The following SLCO4C1 variants were observed in gnomAD, a reference collection of about 807,000 sequenced individuals.
SLCO4C1 encodes solute carrier organic anion transporter family member 4C1.
In SLCO4C1, 58 loss-of-function variants were observed where a neutral mutation model predicts 72.1. That is an observed-to-expected ratio of 0.80 (90% CI 0.65 to 1.00). The LOEUF is 1.00. Ranked by LOEUF, SLCO4C1 falls within the 50% of genes least tolerant of loss-of-function variation. SLCO4C1 has a pLI of 0.00. For missense variants in SLCO4C1, 898 were observed against 857.9 expected, an observed-to-expected ratio of 1.05 and a Z score of -0.58; for synonymous variants, 297 against 312.5, an observed-to-expected ratio of 0.95 and a Z score of 0.52.
intron 3 of SLCO4C1, among the ~76,000 whole-genome samples, chr5:102,268,370 C>G (rs768009548): frequency 6.6e-6 from 1 of 151,888 alleles, no homozygotes; most frequent in African/African-American, 2.4e-5. Context: ...TTGTCTCTTT[C>G]TTGTATTTTT....
At chr5:102,261,135 G>A (rs769946530) in intron 5 of SLCO4C1, among the ~76,000 whole-genome samples, 4 of 152,072 alleles carry the variant, frequency 2.6e-5, no homozygotes, top group Admixed American at 6.6e-5. Context: ...TATTCAAGCC[G>A]GATGTGGTGG....
At position 102,234,311 on chromosome 5, in the gene SLCO4C1, C is replaced by T. The variant is rs1192738377; in HGVS notation, c.*2547G>A. On this transcript the variant is annotated 3_prime_UTR_variant, in exon 13 of 13. Transcript: ENST00000310954. The stretch of plus-strand genomic sequence containing the variant: ...TTGTTCTAGAAGTATCACATCAACT[C>T]ATATGATCTAGGTGAACCCAAAAGT... 6.6e-6 allele frequency: 1 copy of T among 152,548 alleles called. No homozygotes were observed. The highest frequency in any genetic ancestry group is 2.4e-5 in the African/African-American group (1 of 41,436). The allele number at this position is 152,548 out of a possible 1,614,324, so 9.4% of individuals were successfully genotyped here.
intron 2 of SLCO4C1, among the ~76,000 whole-genome samples, chr5:102,285,058 A>G (rs1749424868): frequency 6.6e-6 from 1 of 152,158 alleles, no homozygotes; most frequent in Admixed American, 6.5e-5. Flanking sequence ...TCAGACACTA[A>G]AATGGACATG....
intron 2 of SLCO4C1, among the ~76,000 whole-genome samples, chr5:102,276,406 T>A (rs1340376283): frequency 6.6e-6 from 1 of 152,136 alleles, no homozygotes; most frequent in Admixed American, 6.6e-5. Flanking sequence ...GCATCGAAGG[T>A]GGCAGACGAA....
At chr5:102,272,228 A>C (rs1749165976) in intron 2 of SLCO4C1, among the ~76,000 whole-genome samples, 1 of 152,160 alleles carries the variant, frequency 6.6e-6, no homozygotes, top group African/African-American at 2.4e-5. Flanking sequence ...TAACTTGACT[A>C]TCTGGGGTTT....
chr5:102,271,834 G>A (rs1305184087), intron 2 of SLCO4C1, among the ~76,000 whole-genome samples: 1 of 151,962 alleles, frequency 6.6e-6, no homozygotes, highest in Non-Finnish European at 1.5e-5. Context: ...AAGATAGGTG[G>A]ATAAACATAT....
At chr5:102,262,108 C>A in intron 4 of SLCO4C1, 75 bp from the exon 5 acceptor site, 1 of 1,256,528 alleles carries the variant, frequency 8.0e-7, no homozygotes, top group Non-Finnish European at 1.1e-6. Context: ...TAATCATATA[C>A]TTTATACTTC....
chr5:102,257,416 T>C, intron 7 of SLCO4C1, 106 bp from the exon 8 acceptor site: 4 of 843,130 alleles, frequency 4.7e-6, no homozygotes, highest in Non-Finnish European at 5.2e-6. Flanking sequence ...TTTTAACTTA[T>C]ATTTATTCAC....
rs191860245 is a variant in SLCO4C1 at position 102,293,837 on chromosome 5, C to A, written c.355+2071G>T. Among the ~76,000 whole-genome samples the A allele has an allele frequency of 4.4e-3, 667 of 152,256 alleles. 12 individuals carry two copies. The highest frequency in any genetic ancestry group is 0.015 in the African/African-American group (642 of 41,566). ...GCAACCTCCACCTCCCGGGTTCCAG[C>A]CATTCTCGTGCCTCAGCCTCCTGAA... On this transcript the variant is annotated intron_variant, in intron 1 of 12. Transcript: ENST00000310954.
At chr5:102,280,156 A>T (rs1212326517) in intron 2 of SLCO4C1, among the ~76,000 whole-genome samples, 1 of 151,536 alleles carries the variant, frequency 6.6e-6, no homozygotes, top group African/African-American at 2.4e-5. Flanking sequence ...TACAGGAAGT[A>T]ATAAAACTGT....
At chr5:102,289,425 G>C (rs1299225963) in intron 2 of SLCO4C1, among the ~76,000 whole-genome samples, 1 of 152,222 alleles carries the variant, frequency 6.6e-6, no homozygotes, top group Admixed American at 6.5e-5. Flanking sequence ...TCAGTTTAGA[G>C]AGTCATAGAT....
At chr5:102,266,899 C>A (rs1580255241) in intron 3 of SLCO4C1, among the ~76,000 whole-genome samples, 1 of 151,968 alleles carries the variant, frequency 6.6e-6, no homozygotes, top group Admixed American at 6.6e-5. Flanking sequence ...TGATATTTGT[C>A]CTTCATTCTG....
chr5:102,268,943 G>C (rs986580943), intron 3 of SLCO4C1, among the ~76,000 whole-genome samples: 2 of 152,022 alleles, frequency 1.3e-5, no homozygotes, highest in Non-Finnish European at 2.9e-5. Flanking sequence ...TTGACAGACA[G>C]CTGTGTCCCT....
Position 102,270,776 on chromosome 5 carries a change from C to A in SLCO4C1, c.650G>T (p.Ser217Ile). 1 of 1,609,212 alleles carries A rather than the reference C, an allele frequency of 6.2e-7. No individual in the cohort carries two copies. Among genetic ancestry groups the A allele is most frequent in the Non-Finnish European group, 8.5e-7 (1 of 1,177,814 alleles). Reference protein sequence around the residue: ...DTCVTTRNSTSCTSSTSSLSN... With the variant: ...DTCVTTRNSTICTSSTSSLSN... ...AAGTGAAGAAGTTGAAGATGTACAA[C>A]TGGTGCTATTCCTTGTTGTTACACA... The change falls in exon 3 of 13, where the codon AGT becomes ATT. Residue 217 changes from serine to isoleucine, a missense_variant. Transcript: ENST00000310954.
intron 2 of SLCO4C1, among the ~76,000 whole-genome samples, chr5:102,281,077 T>C (rs1749347813): frequency 6.6e-6 from 1 of 152,116 alleles, no homozygotes; most frequent in Non-Finnish European, 1.5e-5. Context: ...ATAAGTATAA[T>C]AGTCAAGAAT....
At chr5:102,251,008 T>C (rs1295351525) in intron 8 of SLCO4C1, among the ~76,000 whole-genome samples, 1 of 150,988 alleles carries the variant, frequency 6.6e-6, no homozygotes, top group Admixed American at 6.6e-5. Flanking sequence ...AAAAAATATA[T>C]AAAGAATGAG....
chr5:102,243,708 C>T lies in SLCO4C1; in HGVS notation c.1812-2926G>A, dbSNP rs151124973. Among the ~76,000 whole-genome samples, 99 of 152,286 alleles carry T rather than the reference C, an allele frequency of 6.5e-4. 1 individual carries two copies. In the Middle Eastern group the frequency reaches 0.014, roughly 21 times the overall value. ...GCTGAAGAACATCTACTAGTATCAA[C>T]ACCATCTAGGAAAACATGAACTCAC... On this transcript the variant is annotated intron_variant, in intron 10 of 12. Transcript: ENST00000310954.
At chr5:102,267,894 A>G (rs891565344) in intron 3 of SLCO4C1, among the ~76,000 whole-genome samples, 1 of 151,986 alleles carries the variant, frequency 6.6e-6, no homozygotes, top group Non-Finnish European at 1.5e-5. Context: ...ATCTATTTGT[A>G]TAGTTCCAGA....
chr5:102,269,577 A>G (rs2112373949), intron 3 of SLCO4C1, among the ~76,000 whole-genome samples: 1 of 152,186 alleles, frequency 6.6e-6, no homozygotes, highest in Non-Finnish European at 1.5e-5. Context: ...TCTCATTCAG[A>G]TCATGAATTG....
Sources: allele counts gnomAD v4.1 joint callset (sites outside exome capture counted in the v4.1 genomes callset), GRCh38; gene constraint gnomAD v4.1.1; transcripts MANE v1.5; gene names NCBI Gene and HGNC (gene_info 2026-07-23, HGNC 2026-07-21).